Variants in CIRSR observed in about 807,000 individuals in gnomAD.
CIRSR encodes corepressor of RBPJ and splicing regulator.
At chr2:174,381,798 T>G in the CIRSR span, 7 of 1,521,978 alleles carry the variant, frequency 4.6e-6, no homozygotes, top group East Asian at 1.4e-4. Flanking sequence ...CAAGACAAAG[T>G]TAACGATTTT....
the CIRSR span, among the ~76,000 whole-genome samples, chr2:174,367,361 C>T: frequency 5.9e-5 from 9 of 152,256 alleles, no homozygotes; most frequent in East Asian, 1.9e-4. Context: ...AGACGGATCA[C>T]GAGGTCAAGA....
chr2:174,394,296 T>A, the CIRSR span, among the ~76,000 whole-genome samples: 1 of 152,184 alleles, frequency 6.6e-6, no homozygotes, highest in Non-Finnish European at 1.5e-5. Flanking sequence ...AATCTCTTCA[T>A]TCTTGTAAAA....
At chr2:174,369,942 C>A in the CIRSR span, 24 of 1,357,294 alleles carry the variant, frequency 1.8e-5, no homozygotes, top group African/African-American at 3.1e-4. Context: ...TAAGCACATA[C>A]GGTTGGAAAA....
At chr2:174,348,402 T>C in the CIRSR span, 33 of 1,508,072 alleles carry the variant, frequency 2.2e-5, 1 homozygote, top group African/African-American at 3.8e-4. Flanking sequence ...CAACAGTACA[T>C]AATTTACCCC....
At chr2:174,384,821 TA>T in the CIRSR span, among the ~76,000 whole-genome samples, 1 of 152,252 alleles carries the variant, frequency 6.6e-6, no homozygotes, top group Non-Finnish European at 1.5e-5. Context: ...GGTAAAGGTA[TA>T]ATATTGGTAT....
At chr2:174,389,636 G>T in the CIRSR span, among the ~76,000 whole-genome samples, 1 of 152,190 alleles carries the variant, frequency 6.6e-6, no homozygotes, top group South Asian at 2.1e-4. Flanking sequence ...GAAGTCGAAT[G>T]TTAATCACCA....
At chr2:174,388,630 A>T in the CIRSR span, among the ~76,000 whole-genome samples, 1 of 152,232 alleles carries the variant, frequency 6.6e-6, no homozygotes, top group Non-Finnish European at 1.5e-5. Context: ...TCTAATATAT[A>T]TATATATGCA....
chr2:174,362,799 C>T, the CIRSR span, among the ~76,000 whole-genome samples: 3 of 150,754 alleles, frequency 2.0e-5, no homozygotes, highest in African/African-American at 7.3e-5. Context: ...AGTATTATAG[C>T]TTGCTGGAAT....
At chr2:174,351,763 A>C in the CIRSR span, 12 of 1,552,736 alleles carry the variant, frequency 7.7e-6, no homozygotes, top group East Asian at 1.8e-4. Flanking sequence ...TATCATTTAT[A>C]TCTCTCTACC....
At chr2:174,357,241 T>C in the CIRSR span, among the ~76,000 whole-genome samples, 1 of 152,222 alleles carries the variant, frequency 6.6e-6, no homozygotes, top group Non-Finnish European at 1.5e-5. Context: ...CATGTTTCTC[T>C]AGCTCTTATA....
At chr2:174,352,636 T>C in the CIRSR span, among the ~76,000 whole-genome samples, 4 of 152,226 alleles carry the variant, frequency 2.6e-5, no homozygotes, top group African/African-American at 4.8e-5. Context: ...ATAAGGTTTA[T>C]GTAAGGTAAG....
chr2:174,353,500 C>T, the CIRSR span, among the ~76,000 whole-genome samples: 6 of 152,086 alleles, frequency 3.9e-5, no homozygotes, highest in Admixed American at 6.5e-5. Context: ...TGGAGTCTTG[C>T]TCTGTTGCCC....
chr2:174,351,707 G>C, the CIRSR span: 1 of 1,612,904 alleles, frequency 6.2e-7, no homozygotes, highest in Non-Finnish European at 8.5e-7. Flanking sequence ...TATTAGCTCC[G>C]AGGGGTGCAT....
At chr2:174,367,714 CCTGGGCAAGAG>C in the CIRSR span, among the ~76,000 whole-genome samples, 3 of 144,090 alleles carry the variant, frequency 2.1e-5, no homozygotes, top group Non-Finnish European at 4.5e-5. Context: ...TGCACTCCAG[CCTGGGCAAGAG>C]AGAGAGAGAT....
chr2:174,381,669 AAG>A, the CIRSR span: 1 of 1,537,410 alleles, frequency 6.5e-7, no homozygotes, highest in Non-Finnish European at 8.8e-7. Context: ...AAAAAAAAAA[AAG>A]AAAGAAAAAA....
the CIRSR span, chr2:174,381,801 A>G: frequency 2.0e-6 from 3 of 1,516,240 alleles, no homozygotes; most frequent in Non-Finnish European, 2.7e-6. Context: ...GACAAAGTTA[A>G]CGATTTTATG....
chr2:174,385,116 G>A, the CIRSR span, among the ~76,000 whole-genome samples: 2 of 150,490 alleles, frequency 1.3e-5, no homozygotes, highest in South Asian at 2.1e-4. Flanking sequence ...TCAGGAGACC[G>A]AAGCAGGAGG....
At chr2:174,387,611 A>C in the CIRSR span, 3 of 1,470,426 alleles carry the variant, frequency 2.0e-6, no homozygotes, top group Non-Finnish European at 2.7e-6. Flanking sequence ...AACTGACTTA[A>C]TATATCATTC....
chr2:174,378,811 C>T, the CIRSR span: 16 of 805,678 alleles, frequency 2.0e-5, no homozygotes, highest in Non-Finnish European at 3.3e-5. Context: ...AACAAACAAA[C>T]AAGCCCCACA....
Sources: allele counts gnomAD v4.1 joint callset (sites outside exome capture counted in the v4.1 genomes callset), GRCh38; gene constraint gnomAD v4.1.1; transcripts MANE v1.5; gene names NCBI Gene and HGNC (gene_info 2026-07-23, HGNC 2026-07-21).